Variants in ADARB2 observed in about 807,000 individuals in gnomAD.
ADARB2 encodes the protein inactive double-stranded RNA-specific editase B2.
In ADARB2, 25 loss-of-function variants were observed where a neutral mutation model predicts 62.2. The observed-to-expected ratio is 0.40, with a 90% CI of 0.29 to 0.56. ADARB2 has a LOEUF of 0.56. ADARB2 is among the 20% of genes least tolerant of loss of function. The pLI is 0.43. For missense variants in ADARB2, 1,071 were observed against 1,077.4 expected, an observed-to-expected ratio of 0.99 and a Z score of 0.08; for synonymous variants, 572 against 500.8, an observed-to-expected ratio of 1.14 and a Z score of -1.90.
chr10:1,512,469 G>T (rs1831948824), intron 1 of ADARB2, among the ~76,000 whole-genome samples: 1 of 152,220 alleles, frequency 6.6e-6, no homozygotes, highest in Non-Finnish European at 1.5e-5. Context: ...ACCAAGATGG[G>T]TGTTTCACGT....
intron 1 of ADARB2, among the ~76,000 whole-genome samples, chr10:1,673,314 A>ATGTGTGTGTG (rs66687699): frequency 0.12 from 17,776 of 149,574 alleles, 1,275 homozygotes; most frequent in Non-Finnish European, 0.17. Flanking sequence ...ATTTCATTTT[A>ATGTGTGTGTG]TGTGTGTGTG....
chr10:1,725,173 C>T (rs1835147875), intron 1 of ADARB2, among the ~76,000 whole-genome samples: 1 of 152,150 alleles, frequency 6.6e-6, no homozygotes, highest in East Asian at 1.9e-4. Flanking sequence ...ACCTCAGGGG[C>T]CGCGTTAACG....
intron 2 of ADARB2, among the ~76,000 whole-genome samples, chr10:1,371,784 TAAAA>T (rs71379114): frequency 4.8e-5 from 6 of 125,808 alleles, no homozygotes; most frequent in African/African-American, 1.3e-4. Context: ...TATTAAAAAG[TAAAA>T]AAAAAAAAAA....
intron 1 of ADARB2, among the ~76,000 whole-genome samples, chr10:1,458,676 A>G (rs72764908): frequency 0.32 from 48,213 of 151,980 alleles, 8,196 homozygotes; most frequent in East Asian, 0.52. Context: ...CCCTCACTCC[A>G]GGAGCTAAAA....
chr10:1,379,306 T>C (rs1832461239), intron 1 of ADARB2, 146 bp from the exon 2 acceptor site: 1 of 639,682 alleles, frequency 1.6e-6, no homozygotes, highest in African/African-American at 1.8e-5. Context: ...TTCAGTCTTT[T>C]ATTGAATATC....
At chr10:1,283,852 A>T (rs898145042) in intron 3 of ADARB2, among the ~76,000 whole-genome samples, 2 of 152,194 alleles carry the variant, frequency 1.3e-5, no homozygotes, top group Non-Finnish European at 2.9e-5. Context: ...AGTTTATGTG[A>T]TTCCTTCAAA....
In ADARB2 at chr10:1,665,024, C is replaced by T. The variant is rs568383157; in HGVS notation, c.100+72027G>A. Among the ~76,000 whole-genome samples, 4 of 152,292 alleles carry T rather than the reference C, an allele frequency of 2.6e-5. No individual in the cohort carries two copies. In the South Asian group the frequency reaches 8.3e-4, roughly 32 times the overall value. ...GATTCAAGGTGAGTCATGCCGACAC[C>T]TTGACCAGGGGCAAGGGGGAAGGAG... On this transcript the variant is annotated intron_variant, in intron 1 of 9. Coordinates refer to ENST00000381312, the MANE Select transcript of ADARB2 (RefSeq NM_018702.4).
chr10:1,438,511 G>A (rs1168036724), intron 1 of ADARB2, among the ~76,000 whole-genome samples: 2 of 147,796 alleles, frequency 1.4e-5, no homozygotes, highest in Non-Finnish European at 3.0e-5. Context: ...CAGGACAGAG[G>A]CAGGTCCTTC....
At chr10:1,208,297 T>C (rs961196898) in intron 7 of ADARB2, among the ~76,000 whole-genome samples, 3 of 152,178 alleles carry the variant, frequency 2.0e-5, no homozygotes, top group African/African-American at 7.2e-5. Flanking sequence ...AACAGGGATG[T>C]TCCCCCAGTT....
At chr10:1,334,758 G>T (rs1386408700) in intron 3 of ADARB2, among the ~76,000 whole-genome samples, 3 of 152,118 alleles carry the variant, frequency 2.0e-5, no homozygotes, top group Non-Finnish European at 4.4e-5. Context: ...TTTAAAGGGT[G>T]TGTAACGTCT....
intron 1 of ADARB2, among the ~76,000 whole-genome samples, chr10:1,517,737 C>A (rs1043676166): frequency 6.6e-6 from 1 of 152,098 alleles, no homozygotes; most frequent in African/African-American, 2.4e-5. Context: ...CATGAAGAAT[C>A]CTGAAAAGAG....
At chr10:1,228,277 A>C (rs1041774475) in intron 6 of ADARB2, among the ~76,000 whole-genome samples, 4 of 152,210 alleles carry the variant, frequency 2.6e-5, no homozygotes, top group African/African-American at 9.7e-5. Flanking sequence ...TGGCTGTAAG[A>C]ACTGAGTTTA....
intron 3 of ADARB2, among the ~76,000 whole-genome samples, chr10:1,280,913 T>G (rs973213085): frequency 6.6e-6 from 1 of 151,830 alleles, no homozygotes; most frequent in African/African-American, 2.4e-5. Context: ...GGGGCCAGGG[T>G]GAAGGAATTA....
intron 1 of ADARB2, among the ~76,000 whole-genome samples, chr10:1,599,249 C>T (rs996342433): frequency 2.2e-4 from 34 of 152,256 alleles, no homozygotes; most frequent in African/African-American, 5.8e-4. Context: ...ATGGAAAGGC[C>T]GTGGAGAATC....
In ADARB2 at chr10:1,211,085, G is replaced by A. The variant is rs570436576; in HGVS notation, c.1682+5866C>T. 3.3e-5 allele frequency among the ~76,000 whole-genome samples: 5 copies of A among 152,000 alleles called. No homozygotes were observed. In the South Asian group the frequency reaches 8.3e-4, roughly 25 times the overall value. The stretch of plus-strand genomic sequence containing the variant: ...TCCTGCTGTGGCTCAGCCTCCCATC[G>A]CTCCCTCCCTCCCTCCCTCCTATCT... On this transcript the variant is annotated intron_variant, in intron 7 of 9. Coordinates refer to ENST00000381312, the MANE Select transcript of ADARB2 (RefSeq NM_018702.4).
intron 1 of ADARB2, among the ~76,000 whole-genome samples, chr10:1,390,588 T>C (rs1405702877): frequency 1.3e-5 from 2 of 152,270 alleles, no homozygotes; most frequent in African/African-American, 4.8e-5. Flanking sequence ...AATGAAGATC[T>C]CTGCTAGGAA....
chr10:1,262,033 A>C (rs957717982), intron 4 of ADARB2, among the ~76,000 whole-genome samples: 2 of 147,396 alleles, frequency 1.4e-5, no homozygotes, highest in African/African-American at 5.3e-5. Flanking sequence ...TCAGTAAACT[A>C]TCGCAAGAAC....
At chr10:1,338,277 A>C (rs1158948853) in intron 3 of ADARB2, among the ~76,000 whole-genome samples, 1 of 152,238 alleles carries the variant, frequency 6.6e-6, no homozygotes, top group Non-Finnish European at 1.5e-5. Flanking sequence ...AAATGCTTAA[A>C]TTCACTCAAC....
At chr10:1,203,450 G>A (rs976464492) in intron 7 of ADARB2, among the ~76,000 whole-genome samples, 13 of 152,350 alleles carry the variant, frequency 8.5e-5, no homozygotes, top group African/African-American at 2.2e-4. Context: ...CCGCCGTGAC[G>A]CGGCCCTGTG....
Sources: gnomAD v4.1 joint callset for allele counts (sites outside exome capture counted in the v4.1 genomes callset) on GRCh38, gnomAD v4.1.1 for gene constraint, MANE v1.5 for transcripts, NCBI Gene and HGNC (gene_info 2026-07-23, HGNC 2026-07-21) for gene names.